Variants in HYAL4 observed in about 807,000 individuals in gnomAD.
HYAL4 encodes the protein hyaluronidase 4, also known as hyaluronidase-4.
A neutral mutation model predicts 35.2 loss-of-function variants in HYAL4; 37 were observed. The observed-to-expected ratio is 1.05, with a 90% confidence interval of 0.81 to 1.38. HYAL4 has a LOEUF of 1.38. Ranked by LOEUF, HYAL4 falls within the 40% of genes most tolerant of loss-of-function variation. The pLI is 0.00. For missense variants in HYAL4, 572 were observed against 572.4 expected (o/e 1.00, Z 0.01); for synonymous variants, 198 against 203.2 (o/e 0.97, Z 0.22).
chr7:123,850,120 G>A (rs1806269795), intron 2 of HYAL4, among the ~76,000 whole-genome samples: 1 of 152,210 alleles, frequency 6.6e-6, no homozygotes, highest in Admixed American at 6.5e-5. Context: ...ACTGATAAAT[G>A]CAATACAATT....
rs1193550114 is a variant in HYAL4 at position 123,874,756 on chromosome 7, T to A, written c.955-5T>A. 3.2e-6 allele frequency: 5 copies of A among 1,561,336 alleles called. No individual in the cohort carries two copies. The South Asian group carries it at 5.6e-5, about 17-fold the overall frequency. ...TAATAATGAACTCTACTGTCTTCAATCTAGCAAGATCTAGTCAGCACCATA... is the reference window on the plus strand; with the variant it reads ...TAATAATGAACTCTACTGTCTTCAAACTAGCAAGATCTAGTCAGCACCATA... On this transcript the variant is annotated splice_region_variant and splice_polypyrimidine_tract_variant and intron_variant, in intron 3 of 4. Coordinates refer to ENST00000223026, the MANE Select transcript of HYAL4 (RefSeq NM_012269.3).
At chr7:123,817,716 G>C in the HYAL4 span, among the ~76,000 whole-genome samples, 1 of 151,072 alleles carries the variant, frequency 6.6e-6, no homozygotes, top group African/African-American at 2.4e-5. Context: ...CACCATTTTG[G>C]TCAGGCTGGT....
chr7:123,806,663 G>T, the HYAL4 span, among the ~76,000 whole-genome samples: 1 of 151,596 alleles, frequency 6.6e-6, no homozygotes, highest in South Asian at 2.1e-4. Flanking sequence ...TGTTGGTCAG[G>T]CTGGTCTCAA....
At chr7:123,848,916 T>C (rs991554022) in intron 2 of HYAL4, among the ~76,000 whole-genome samples, 1 of 152,134 alleles carries the variant, frequency 6.6e-6, no homozygotes, top group East Asian at 1.9e-4. Flanking sequence ...AGTGACTGAA[T>C]ATTTAGAGAT....
rs1807033583 is a variant in HYAL4, at chr7:123,876,689, T to C, written c.1045-65T>C. On this transcript the variant is annotated intron_variant, in intron 4 of 4. Transcript: ENST00000223026. Reference sequence around the variant, plus strand: ...TCAGTACCAGCGAGAAACACTAAAATCGATTTCTTTGTACATTTCTACCAG... The same window carrying C: ...TCAGTACCAGCGAGAAACACTAAAACCGATTTCTTTGTACATTTCTACCAG... 3.3e-6 allele frequency: 5 copies of C among 1,511,358 alleles called. No individual in the cohort carries two copies. In the East Asian group the frequency reaches 1.1e-4, roughly 34 times the overall value. 93.6% of individuals were successfully genotyped at this position (1,511,358 alleles called of 1,614,324 possible).
chr7:123,779,789 C>G, the HYAL4 span, among the ~76,000 whole-genome samples: 2 of 152,060 alleles, frequency 1.3e-5, no homozygotes, highest in African/African-American at 4.8e-5. Context: ...CTTGGATTTA[C>G]ATAGTACCTT....
chr7:123,853,962 G>T (rs1328814327), intron 2 of HYAL4, among the ~76,000 whole-genome samples: 2 of 152,130 alleles, frequency 1.3e-5, no homozygotes, highest in African/African-American at 4.8e-5. Context: ...TTGGGAGGGT[G>T]TATGTTTCCA....
At chr7:123,826,902 T>C (rs188275557), upstream of HYAL4, among the ~76,000 whole-genome samples, 1,213 of 152,248 alleles carry the variant, frequency 8.0e-3, 7 homozygotes, top group Middle Eastern at 0.014. Flanking sequence ...GAGTGATGAA[T>C]AACTCCAAGA....
intron 1 of HYAL4, among the ~76,000 whole-genome samples, chr7:123,832,727 T>C (rs1443126239): frequency 6.6e-6 from 1 of 151,916 alleles, no homozygotes; most frequent in African/African-American, 2.4e-5. Context: ...GGTCTCGATC[T>C]CCAGACCTCA....
chr7:123,767,262 A>C, the HYAL4 span, among the ~76,000 whole-genome samples: 1 of 152,186 alleles, frequency 6.6e-6, no homozygotes, highest in East Asian at 1.9e-4. Flanking sequence ...TTGCTAAAAG[A>C]GACTTTTGGC....
intron 2 of HYAL4, among the ~76,000 whole-genome samples, chr7:123,858,230 G>A (rs1321257072): frequency 2.0e-5 from 3 of 152,072 alleles, no homozygotes; most frequent in African/African-American, 7.2e-5. Flanking sequence ...CATGTAAGAT[G>A]TAAACCAAAA....
In HYAL4 at chr7:123,868,711, G is replaced by C. The variant is rs993824168; in HGVS notation, c.438G>C (p.Trp146Cys). Reference protein sequence around the residue: ...EDFSGLAVIDWEYWRPQWARN... With the variant: ...EDFSGLAVIDCEYWRPQWARN... ...TCAGTGGACTTGCTGTTATAGATTG[G>C]GAATATTGGCGACCACAGTGGGCCC... Residue 146 changes from tryptophan (W) to cysteine (C), a missense_variant, in exon 3 of 5, where the codon TGG (tryptophan) becomes TGC (cysteine). By Grantham distance (215) the Trp-to-Cys change is radical (BLOSUM62 -2). Coordinates refer to ENST00000223026, the MANE Select transcript of HYAL4 (RefSeq NM_012269.3). 4 of 1,613,662 alleles carry C rather than the reference G, an allele frequency of 2.5e-6. No homozygotes were observed. In the East Asian group the frequency reaches 8.9e-5, roughly 36 times the overall value.
At chr7:123,806,816 C>A in the HYAL4 span, among the ~76,000 whole-genome samples, 1 of 152,044 alleles carries the variant, frequency 6.6e-6, no homozygotes, top group African/African-American at 2.4e-5. Flanking sequence ...AGTGGCCAGG[C>A]TAGTAGCTGT....
upstream of HYAL4, among the ~76,000 whole-genome samples, chr7:123,842,745 T>C (rs7782381): frequency 0.021 from 3,202 of 152,128 alleles, 108 homozygotes; most frequent in African/African-American, 0.073. Flanking sequence ...CCTTTACCAT[T>C]ATGTAATGGC....
At chr7:123,813,862 G>A in the HYAL4 span, among the ~76,000 whole-genome samples, 4 of 152,156 alleles carry the variant, frequency 2.6e-5, no homozygotes, top group Admixed American at 6.5e-5. Flanking sequence ...TTGGGTTAGC[G>A]TATTCAGAAT....
chr7:123,848,250 G>T (rs1164142829), intron 2 of HYAL4, 92 bp downstream of exon 2: 2 of 152,256 alleles, frequency 1.3e-5, no homozygotes, highest in East Asian at 1.9e-4. Flanking sequence ...TTAATTTCTT[G>T]GAATACTCAA....
chr7:123,812,469 A>C, the HYAL4 span, among the ~76,000 whole-genome samples: 68 of 152,310 alleles, frequency 4.5e-4, 1 homozygote, highest in Middle Eastern at 6.8e-3. Flanking sequence ...AGGGACCAAA[A>C]TAATGCCAAA....
In HYAL4 at chr7:123,829,431, A is replaced by G. The variant is rs539986032; in HGVS notation, c.-257+307A>G. 2.0e-5 allele frequency among the ~76,000 whole-genome samples: 3 copies of G among 152,282 alleles called. No homozygotes were observed. In the South Asian group the frequency reaches 6.2e-4, roughly 32 times the overall value. ...CAGTAGCAAGTGTTGATTTTTTTCA[A>G]CCTCAAGCCTCTCCCAAAATATGTA... On this transcript the variant is annotated intron_variant, in intron 1 of 4. Transcript: ENST00000489978.
At chr7:123,796,092 TA>T in the HYAL4 span, among the ~76,000 whole-genome samples, 1 of 152,232 alleles carries the variant, frequency 6.6e-6, no homozygotes, top group Non-Finnish European at 1.5e-5. Flanking sequence ...GAAGCCTCTG[TA>T]AAGCTTGTAT....
Sources: gnomAD v4.1 joint callset for allele counts (sites outside exome capture counted in the v4.1 genomes callset) on GRCh38, gnomAD v4.1.1 for gene constraint, MANE v1.5 for transcripts, NCBI Gene and HGNC (gene_info 2026-07-23, HGNC 2026-07-21) for gene names.